The following UBE2E3 variants were observed in gnomAD, a reference collection of about 807,000 sequenced individuals.
The protein encoded by UBE2E3 is ubiquitin-conjugating enzyme E2 E3.
UBE2E3 carries 5 observed loss-of-function variants against 23.6 expected under a neutral mutation model. The ratio of observed to expected loss-of-function variants is 0.21; its 90% CI spans 0.11 to 0.44. The LOEUF (loss-of-function observed/expected upper bound fraction) is 0.44. UBE2E3 is among the 20% of genes least tolerant of loss of function. The pLI is 0.99. For missense variants in UBE2E3, 81 were observed against 249.8 expected (o/e 0.32, Z 4.55); for synonymous variants, 78 against 87.5 (o/e 0.89, Z 0.60).
intron 3 of UBE2E3, among the ~76,000 whole-genome samples, chr2:181,054,085 C>T (rs1686921005): frequency 6.6e-6 from 1 of 151,798 alleles, no homozygotes; most frequent in African/African-American, 2.4e-5. Flanking sequence ...GTTTATATAT[C>T]CATTCACCTA....
intron 3 of UBE2E3, among the ~76,000 whole-genome samples, chr2:181,009,690 T>C (rs1321556739): frequency 2.0e-5 from 3 of 152,090 alleles, no homozygotes; most frequent in Non-Finnish European, 1.5e-5. Context: ...TGTTTGTTTT[T>C]CTAACTTCTA....
chr2:180,982,303 T>G (rs1684322070), intron 2 of UBE2E3, 67 bp downstream of exon 2: 1 of 1,472,240 alleles, frequency 6.8e-7, no homozygotes, highest in African/African-American at 1.4e-5. Context: ...GACGCTTTTG[T>G]TGGTTTTACC....
rs145530600 is a variant in UBE2E3 at position 181,032,925 on chromosome 2, C to A, written c.246-24768C>A. 4.6e-3 allele frequency among the ~76,000 whole-genome samples: 697 copies of A among 152,290 alleles called. 6 individuals carry two copies. The highest frequency in any genetic ancestry group is 0.016 in the African/African-American group (654 of 41,546). On this transcript the variant is annotated intron_variant, in intron 3 of 5. Transcript: ENST00000410062. Reference sequence around the variant, plus strand: ...GCCAAATCATGAGTGAACTCCCATTCACAATTGCTTCAAAGAGAATAAAAT... The same window carrying A: ...GCCAAATCATGAGTGAACTCCCATTAACAATTGCTTCAAAGAGAATAAAAT...
chr2:181,019,277 A>C (rs1685600798), intron 3 of UBE2E3, among the ~76,000 whole-genome samples: 1 of 152,218 alleles, frequency 6.6e-6, no homozygotes, highest in Non-Finnish European at 1.5e-5. Context: ...AAAATTTATG[A>C]GAATACGGGT....
intron 3 of UBE2E3, among the ~76,000 whole-genome samples, chr2:181,018,102 T>G (rs1031463681): frequency 6.6e-6 from 1 of 152,174 alleles, no homozygotes; most frequent in Admixed American, 6.5e-5. Context: ...TTGGCTTCAC[T>G]TATGCCTGTG....
intron 3 of UBE2E3, among the ~76,000 whole-genome samples, chr2:181,004,582 G>A (rs983773638): frequency 6.6e-6 from 1 of 151,996 alleles, no homozygotes; most frequent in African/African-American, 2.4e-5. Flanking sequence ...GCAGTGAGCC[G>A]AGATTGTGCC....
At chr2:181,012,245 A>G (rs1685351486) in intron 3 of UBE2E3, among the ~76,000 whole-genome samples, 1 of 152,124 alleles carries the variant, frequency 6.6e-6, no homozygotes, top group Non-Finnish European at 1.5e-5. Flanking sequence ...CATGTATAAC[A>G]AAGTATACAT....
chr2:181,015,781 A>G (rs2105615219), intron 3 of UBE2E3, among the ~76,000 whole-genome samples: 1 of 152,280 alleles, frequency 6.6e-6, no homozygotes, highest in African/African-American at 2.4e-5. Flanking sequence ...CCTGGACTGG[A>G]GTATAATCAC....
chr2:181,043,039 G>A (rs1686562029), intron 3 of UBE2E3, among the ~76,000 whole-genome samples: 1 of 152,108 alleles, frequency 6.6e-6, no homozygotes, highest in Admixed American at 6.5e-5. Flanking sequence ...TAAAAGTCAA[G>A]TCTTATGCCT....
intron 3 of UBE2E3, among the ~76,000 whole-genome samples, chr2:180,999,397 G>T (rs1574167694): frequency 6.6e-6 from 1 of 152,142 alleles, no homozygotes; most frequent in East Asian, 1.9e-4. Flanking sequence ...TGCTGTGAAG[G>T]ATTCACAAAT....
intron 2 of UBE2E3, among the ~76,000 whole-genome samples, chr2:180,982,559 A>T (rs1410043707): frequency 6.6e-6 from 1 of 152,104 alleles, no homozygotes; most frequent in Non-Finnish European, 1.5e-5. Flanking sequence ...TACTTTGGGG[A>T]TGTTCCTTTT....
chr2:180,997,301 T>C (rs2105585726), intron 3 of UBE2E3, among the ~76,000 whole-genome samples: 1 of 152,170 alleles, frequency 6.6e-6, no homozygotes, highest in East Asian at 1.9e-4. Flanking sequence ...CATATTTTTG[T>C]TATCTGGCTT....
intron 4 of UBE2E3, among the ~76,000 whole-genome samples, chr2:181,059,528 A>C (rs1452063344): frequency 1.3e-5 from 2 of 151,762 alleles, no homozygotes; most frequent in African/African-American, 4.8e-5. Flanking sequence ...ATATTAGTTA[A>C]CCCAACATAT....
intron 3 of UBE2E3, among the ~76,000 whole-genome samples, chr2:180,996,428 A>G (rs1207686082): frequency 6.6e-6 from 1 of 152,234 alleles, no homozygotes; most frequent in Non-Finnish European, 1.5e-5. Flanking sequence ...AACCTTTATC[A>G]GAATCAAATT....
Position 181,041,325 on chromosome 2 carries a change from G to A in UBE2E3, c.246-16368G>A, listed in dbSNP as rs376401200. On this transcript the variant is annotated intron_variant, in intron 3 of 5. Coordinates refer to ENST00000410062, the MANE Select transcript of UBE2E3 (RefSeq NM_006357.4). ...CCAAAGCCCTTTACCTCTCCTCATA[G>A]GGGCATTGAACAGTAATAGAAGCTT... 6.6e-5 allele frequency among the ~76,000 whole-genome samples: 10 copies of A among 151,194 alleles called. 1 individual carries two copies. The highest frequency in any genetic ancestry group is 2.4e-4 in the African/African-American group (10 of 41,120).
At chr2:181,014,534 A>T (rs892164555) in intron 3 of UBE2E3, among the ~76,000 whole-genome samples, 1 of 152,168 alleles carries the variant, frequency 6.6e-6, no homozygotes, top group African/African-American at 2.4e-5. Flanking sequence ...AGAGAGGGCT[A>T]CATGAGCAAG....
chr2:181,021,483 C>T (rs1685674383), intron 3 of UBE2E3, among the ~76,000 whole-genome samples: 1 of 129,516 alleles, frequency 7.7e-6, no homozygotes, highest in Non-Finnish European at 1.6e-5. Flanking sequence ...TTCTTTCTCT[C>T]TCTCTCTTCC....
chr2:181,046,081 A>T (rs961228932), intron 3 of UBE2E3, among the ~76,000 whole-genome samples: 2 of 152,190 alleles, frequency 1.3e-5, no homozygotes, highest in Non-Finnish European at 2.9e-5. Flanking sequence ...TTCAGTACCC[A>T]CTAGTGCCTG....
At position 180,987,367 on chromosome 2, in the gene UBE2E3, C is replaced by T. The variant is rs958514111; in HGVS notation, c.245+3274C>T. 44 of 1,549,928 alleles carry T rather than the reference C, an allele frequency of 2.8e-5. No individual in the cohort carries two copies. In the African/African-American group the frequency reaches 4.7e-4, roughly 16 times the overall value. On this transcript the variant is annotated intron_variant, in intron 3 of 5. Transcript: ENST00000410062. ...TGTCCTTGTCCTCTCCTAGTCACCA[C>T]TTGTGCAAACAGCGAAAGTTTAGAA...
Sources: gnomAD v4.1 joint callset for allele counts (sites outside exome capture counted in the v4.1 genomes callset) on GRCh38, gnomAD v4.1.1 for gene constraint, MANE v1.5 for transcripts, NCBI Gene and HGNC (gene_info 2026-07-23, HGNC 2026-07-21) for gene names.